Variants in CERK observed in about 807,000 individuals in gnomAD.
The protein encoded by CERK is acylsphingosine kinase.
A neutral mutation model predicts 63.4 loss-of-function variants in CERK; 39 were observed. The ratio of observed to expected loss-of-function variants is 0.61; its 90% CI spans 0.48 to 0.80. The LOEUF (loss-of-function observed/expected upper bound fraction) is 0.80. CERK is among the 30% of genes least tolerant of loss of function. CERK has a pLI of 0.00. For missense variants in CERK, 670 were observed against 714.1 expected, an observed-to-expected ratio of 0.94 and a Z score of 0.70; for synonymous variants, 302 against 280.0, an observed-to-expected ratio of 1.08 and a Z score of -0.78.
chr22:46,719,859 A>G (rs2281537), intron 3 of CERK, among the ~76,000 whole-genome samples: 87,261 of 152,148 alleles, frequency 0.57, 27,779 homozygotes, highest in African/African-American at 0.87. Context: ...CCTCCTGGCC[A>G]GTGAGCAGGG....
At chr22:46,697,308 T>G (rs1001960832) in intron 8 of CERK, among the ~76,000 whole-genome samples, 4 of 152,160 alleles carry the variant, frequency 2.6e-5, no homozygotes, top group African/African-American at 4.8e-5. Context: ...TTTCTTTCTT[T>G]TCTTTTTTTT....
At chr22:46,707,353 C>T (rs1009660733) in intron 6 of CERK, among the ~76,000 whole-genome samples, 1 of 152,196 alleles carries the variant, frequency 6.6e-6, no homozygotes, top group Admixed American at 6.5e-5. Context: ...CCAAGCCGAA[C>T]CAGCACTTCA....
In CERK at chr22:46,722,297, G is replaced by C. The variant is rs560911204; in HGVS notation, c.143-1282C>G. On this transcript the variant is annotated intron_variant, in intron 1 of 12. Coordinates refer to ENST00000216264, the MANE Select transcript of CERK (RefSeq NM_022766.6). ...CAAGTTCTAGGAACCTGGGAGGGTA[G>C]TGTCTGAACTGGGCCTTTGAGCACT... Among the ~76,000 whole-genome samples, 9 of 152,322 alleles carry C rather than the reference G, an allele frequency of 5.9e-5. No homozygotes were observed. In the South Asian group the frequency reaches 1.9e-3, roughly 32 times the overall value.
chr22:46,717,541 A>C lies in CERK; in HGVS notation c.379+2545T>G, dbSNP rs2082872360. On this transcript the variant is annotated intron_variant, in intron 3 of 12. Coordinates refer to ENST00000216264, the MANE Select transcript of CERK (RefSeq NM_022766.6). The stretch of plus-strand genomic sequence containing the variant: ...GGAAAACAGCGTGGAAAACTTCACA[A>C]GTGTCATGTTGAGCCGAGAGCCAGG... 1.3e-5 allele frequency among the ~76,000 whole-genome samples: 2 copies of C among 152,246 alleles called. 1 individual carries two copies. The highest frequency in any genetic ancestry group is 1.3e-4 in the Admixed American group (2 of 15,284).
At chr22:46,708,152 C>T (rs1468105141) in intron 5 of CERK, among the ~76,000 whole-genome samples, 164 bp from the exon 6 acceptor site, 1 of 152,242 alleles carries the variant, frequency 6.6e-6, no homozygotes, top group Non-Finnish European at 1.5e-5. Flanking sequence ...GGTCGTGCCT[C>T]TGTGCCAGTT....
intron 12 of CERK, among the ~76,000 whole-genome samples, chr22:46,687,991 G>A (rs1234515117): frequency 1.3e-5 from 2 of 152,188 alleles, no homozygotes; most frequent in South Asian, 2.1e-4. Flanking sequence ...GAGGTCAGGA[G>A]TTTGAGACCA....
chr22:46,710,982 G>T, intron 5 of CERK, 104 bp downstream of exon 5: 1 of 849,750 alleles, frequency 1.2e-6, no homozygotes. Flanking sequence ...GTCGTGGGTG[G>T]AGGCGGGGGG....
chr22:46,715,760 T>A (rs1469022502), intron 3 of CERK, among the ~76,000 whole-genome samples: 1 of 152,188 alleles, frequency 6.6e-6, no homozygotes, highest in Non-Finnish European at 1.5e-5. Flanking sequence ...CAAAGATGAA[T>A]TCCAAATGGA....
chr22:46,725,337 C>T (rs775836797), intron 1 of CERK, among the ~76,000 whole-genome samples: 72 of 152,072 alleles, frequency 4.7e-4, no homozygotes, highest in Middle Eastern at 3.4e-3. Flanking sequence ...GGAGAGCTGG[C>T]GCCTGCTCAT....
At chr22:46,721,303 A>ATT (rs547428951) in intron 1 of CERK, among the ~76,000 whole-genome samples, 332 of 151,656 alleles carry the variant, frequency 2.2e-3, no homozygotes, top group African/African-American at 7.6e-3. Context: ...ATATATATAT[A>ATT]TTTTTTTGAG....
At chr22:46,718,613 C>T (rs1359988772) in intron 3 of CERK, among the ~76,000 whole-genome samples, 1 of 152,142 alleles carries the variant, frequency 6.6e-6, no homozygotes, top group Non-Finnish European at 1.5e-5. Flanking sequence ...GAGGAGGGCT[C>T]CTTCAAGCAA....
chr22:46,706,598 C>G (rs135693), intron 6 of CERK, among the ~76,000 whole-genome samples: 40,979 of 152,054 alleles, frequency 0.27, 5,689 homozygotes, highest in Middle Eastern at 0.48. Context: ...TAAAACTCAT[C>G]AGGCGATATT....
In CERK at chr22:46,738,145, C is replaced by T; in HGVS notation, c.4G>A (p.Gly2Arg). The stretch of plus-strand genomic sequence containing the variant: ...AGCGGCTCCGCCGCCCCCGTCGCCC[C>T]CATCTCCGCCGCCGGGCTCGTCCGC... Reference protein sequence around the residue: MGATGAAEPLQS... With the variant: MRATGAAEPLQS... Residue 2 changes from glycine to arginine, a missense_variant, in exon 1 of 13, where the codon GGG becomes AGG. Physicochemically the swap from Gly to Arg is moderately radical, Grantham distance 125. Transcript: ENST00000216264. 8.3e-7 allele frequency: 1 copy of T among 1,197,988 alleles called. No homozygotes were observed. The allele number at this position is 1,197,988 out of a possible 1,614,324, so 74.2% of individuals were successfully genotyped here. A position where few individuals can be genotyped will look rare whatever the true frequency, so the allele number is the denominator to read the frequency against.
At chr22:46,721,737 C>T (rs1601726113) in intron 1 of CERK, among the ~76,000 whole-genome samples, 1 of 152,200 alleles carries the variant, frequency 6.6e-6, no homozygotes, top group Non-Finnish European at 1.5e-5. Context: ...GCTGGAACCA[C>T]GGAGCTTGCA....
intron 8 of CERK, among the ~76,000 whole-genome samples, chr22:46,698,206 C>G (rs193042351): frequency 6.6e-6 from 1 of 152,366 alleles, no homozygotes; most frequent in East Asian, 1.9e-4. Flanking sequence ...GGGGCAGGAG[C>G]ACCTGCTGGG....
Position 46,738,065 on chromosome 22 carries a change from C to A in CERK, c.84G>T (p.Ala28=). 5 of 1,260,178 alleles carry A rather than the reference C, an allele frequency of 4.0e-6. No individual in the cohort carries two copies. The highest frequency in any genetic ancestry group is 5.0e-6 in the Non-Finnish European group (5 of 998,334). 78.1% of individuals were successfully genotyped at this position (1,260,178 alleles called of 1,614,324 possible). ...QQRCAVSLEP[A]RALLRWWRSP... ...TCCGCCACCAGCGCAGCAGAGCCCG[C>A]GCGGGCTCCAGGCTCACGGCGCAGC... Residue 28 remains alanine (A), a synonymous_variant, in exon 1 of 13, where the codon GCG becomes GCT. Transcript: ENST00000216264.
At chr22:46,696,137 A>C (rs1035966374) in intron 8 of CERK, among the ~76,000 whole-genome samples, 3 of 152,176 alleles carry the variant, frequency 2.0e-5, no homozygotes, top group African/African-American at 7.2e-5. Context: ...CCCACAGCCA[A>C]GTGTGCACCG....
At chr22:46,702,154 G>C (rs2082788128) in intron 6 of CERK, among the ~76,000 whole-genome samples, 1 of 145,162 alleles carries the variant, frequency 6.9e-6, no homozygotes, top group Admixed American at 7.0e-5. Flanking sequence ...ATCCAGCCTG[G>C]GCAACAGAGT....
intron 9 of CERK, chr22:46,693,820 G>A (rs942921408): frequency 3.2e-5 from 12 of 369,392 alleles, no homozygotes; most frequent in African/African-American, 1.0e-4. Context: ...AATGACTGAG[G>A]CACTGGTTCC....
Sources: allele counts gnomAD v4.1 joint callset (sites outside exome capture counted in the v4.1 genomes callset), GRCh38; gene constraint gnomAD v4.1.1; transcripts MANE v1.5; gene names NCBI Gene and HGNC (gene_info 2026-07-23, HGNC 2026-07-21).